The following NCKAP5 variants were observed in gnomAD, a reference collection of about 807,000 sequenced individuals.
The protein encoded by NCKAP5 is nck-associated protein 5.
In NCKAP5, 92 loss-of-function variants were observed where a neutral mutation model predicts 167.0. The observed-to-expected ratio is 0.55, with a 90% CI of 0.47 to 0.66. The LOEUF (loss-of-function observed/expected upper bound fraction) is 0.66, where lower values mean the gene tolerates loss of function less well. Among genes scored for constraint, NCKAP5 ranks in the 30% least tolerant of loss-of-function variants. The pLI is 0.00. For missense variants in NCKAP5, 2,378 were observed against 2,315.0 expected, an observed-to-expected ratio of 1.03 and a Z score of -0.56; for synonymous variants, 891 against 877.4, an observed-to-expected ratio of 1.02 and a Z score of -0.27.
intron 5 of NCKAP5, among the ~76,000 whole-genome samples, chr2:133,146,244 A>T: frequency 6.6e-6 from 1 of 151,990 alleles, no homozygotes; most frequent in East Asian, 1.9e-4. Context: ...CAACATCTAG[A>T]TAAAATTAAA....
At chr2:132,808,753 G>T (rs937660346) in intron 11 of NCKAP5, among the ~76,000 whole-genome samples, 7 of 150,556 alleles carry the variant, frequency 4.6e-5, no homozygotes, top group Admixed American at 2.6e-4. Context: ...TATTTTTTTT[G>T]GTTTCAATTT....
At chr2:133,392,917 C>T (rs999626828) in intron 3 of NCKAP5, among the ~76,000 whole-genome samples, 3 of 152,108 alleles carry the variant, frequency 2.0e-5, no homozygotes, top group Non-Finnish European at 1.5e-5. Context: ...AAGGCAACAG[C>T]GTCGAAAACT....
intron 5 of NCKAP5, among the ~76,000 whole-genome samples, chr2:133,205,671 T>C (rs1476041353): frequency 6.6e-6 from 1 of 152,178 alleles, no homozygotes; most frequent in Non-Finnish European, 1.5e-5. Flanking sequence ...CTTGGGATTC[T>C]CATTAAGATT....
intron 3 of NCKAP5, among the ~76,000 whole-genome samples, chr2:133,429,064 G>A (rs1048306288): frequency 1.9e-4 from 29 of 152,118 alleles, no homozygotes; most frequent in Non-Finnish European, 3.7e-4. Flanking sequence ...TATGCCCTCT[G>A]CGGGACGGTT....
chr2:133,583,945 G>A, the NCKAP5 span, among the ~76,000 whole-genome samples: 1 of 152,020 alleles, frequency 6.6e-6, no homozygotes, highest in Admixed American at 6.5e-5. Context: ...TAGTAGAGAC[G>A]GGGTTTCACC....
chr2:133,432,293 A>G (rs908956743), intron 3 of NCKAP5, among the ~76,000 whole-genome samples: 7 of 152,216 alleles, frequency 4.6e-5, no homozygotes, highest in African/African-American at 1.7e-4. Context: ...TGTTTCCAGC[A>G]CACAGAATTA....
intron 6 of NCKAP5, among the ~76,000 whole-genome samples, chr2:133,102,946 C>T (rs933447592): frequency 6.6e-6 from 1 of 152,160 alleles, no homozygotes; most frequent in Admixed American, 6.5e-5. Flanking sequence ...CTTTGAGCCT[C>T]AACCTCCCCA....
At position 132,784,027 on chromosome 2, in the gene NCKAP5, G is replaced by T; in HGVS notation, c.2784C>A (p.Ser928=). The part of the protein sequence containing the change: ...SGPEAGVKSP[S]PPPPPGRSVS... ...CGGACCTGCCTGGAGGGGGCGGAGG[G>T]GAAGGGGATTTCACCCCTGCCTCCG... Residue 928 remains serine, a synonymous_variant, in exon 14 of 20, where the codon TCC becomes TCA. Transcript: ENST00000409261. The T allele has an allele frequency of 1.3e-6, 2 of 1,556,732 alleles. No homozygotes were observed. Among genetic ancestry groups the T allele is most frequent in the East Asian group, 2.3e-5 (1 of 44,294 alleles).
chr2:133,389,628 C>T (rs527254682), intron 3 of NCKAP5, among the ~76,000 whole-genome samples: 19 of 152,300 alleles, frequency 1.2e-4, no homozygotes, highest in Admixed American at 2.0e-4. Context: ...CTGTACTAAA[C>T]GATACACCTA....
Position 133,546,201 on chromosome 2 carries a change from A to G in NCKAP5, c.-62+12849T>C, listed in dbSNP as rs561535993. Among the ~76,000 whole-genome samples, 28 of 152,282 alleles carry G rather than the reference A, an allele frequency of 1.8e-4. No homozygotes were observed. The East Asian group carries it at 5.2e-3, about 28-fold the overall frequency. On this transcript the variant is annotated intron_variant, in intron 2 of 19. Coordinates refer to ENST00000409261, the MANE Select transcript of NCKAP5 (RefSeq NM_207363.3). ...CTTCAGATACAGTGAAGTACATCCA[A>G]GAGGAAGCCAAAGGTGAAAAAGTGC...
chr2:133,270,979 G>T (rs1212819654), intron 4 of NCKAP5, among the ~76,000 whole-genome samples: 5 of 149,636 alleles, frequency 3.3e-5, no homozygotes, highest in Non-Finnish European at 7.4e-5. Flanking sequence ...GAGTGCAGTG[G>T]CATGATCTCA....
chr2:133,235,669 C>T (rs913354968), intron 4 of NCKAP5, among the ~76,000 whole-genome samples: 10 of 150,030 alleles, frequency 6.7e-5, no homozygotes, highest in East Asian at 1.9e-4. Context: ...GTTGGGAGGC[C>T]GAGGTGGCAT....
At chr2:133,422,424 G>C (rs1261476043) in intron 3 of NCKAP5, among the ~76,000 whole-genome samples, 2 of 152,138 alleles carry the variant, frequency 1.3e-5, no homozygotes, top group Non-Finnish European at 1.5e-5. Context: ...GTGAAAGCTG[G>C]CTGTATCCTA....
intron 6 of NCKAP5, among the ~76,000 whole-genome samples, chr2:133,071,911 C>T (rs944000487): frequency 1.3e-5 from 2 of 152,164 alleles, no homozygotes; most frequent in Non-Finnish European, 2.9e-5. Context: ...CATTCACAAG[C>T]TCTGCCATAG....
At chr2:133,557,791 C>T (rs1188921986) in intron 2 of NCKAP5, among the ~76,000 whole-genome samples, 1 of 152,220 alleles carries the variant, frequency 6.6e-6, no homozygotes, top group East Asian at 1.9e-4. Flanking sequence ...CACCTCGGCA[C>T]TTTGGGAAAA....
chr2:133,001,029 T>C (rs1163202798), intron 6 of NCKAP5, among the ~76,000 whole-genome samples: 1 of 152,190 alleles, frequency 6.6e-6, no homozygotes, highest in African/African-American at 2.4e-5. Context: ...AAGAGTAATG[T>C]TCTGTAACTC....
intron 6 of NCKAP5, among the ~76,000 whole-genome samples, chr2:133,039,178 G>C (rs902619007): frequency 3.3e-5 from 5 of 152,206 alleles, no homozygotes; most frequent in African/African-American, 4.8e-5. Context: ...AGGACACAGA[G>C]TGATGGGTTT....
chr2:133,044,277 G>T (rs935971014), intron 6 of NCKAP5, among the ~76,000 whole-genome samples: 2 of 151,998 alleles, frequency 1.3e-5, no homozygotes, highest in African/African-American at 4.8e-5. Flanking sequence ...TCTGTTCATC[G>T]AAAGACGCAA....
intron 8 of NCKAP5, among the ~76,000 whole-genome samples, chr2:132,928,948 C>T (rs1696138026): frequency 6.7e-6 from 1 of 148,974 alleles, no homozygotes; most frequent in African/African-American, 2.5e-5. Context: ...CAGTGAGACC[C>T]CCTTCTCTAC....
Sources: gnomAD v4.1 joint callset for allele counts (sites outside exome capture counted in the v4.1 genomes callset) on GRCh38, gnomAD v4.1.1 for gene constraint, MANE v1.5 for transcripts, NCBI Gene and HGNC (gene_info 2026-07-23, HGNC 2026-07-21) for gene names.